Variants in MALRD1 observed in about 807,000 individuals in gnomAD.
MALRD1 encodes MAM and LDL-receptor class A domain-containing protein 1.
A neutral mutation model predicts 242.1 loss-of-function variants in MALRD1; 247 were observed. The ratio of observed to expected loss-of-function variants is 1.02; its 90% CI spans 0.92 to 1.13. The LOEUF (loss-of-function observed/expected upper bound fraction) is 1.13, where lower values mean the gene tolerates loss of function less well. MALRD1 is among the 50% of genes most tolerant of loss of function. MALRD1 has a pLI of 0.00. For missense variants in MALRD1, 2,989 were observed against 2,533.1 expected (o/e 1.18, Z -3.86); for synonymous variants, 995 against 866.6 (o/e 1.15, Z -2.60).
At chr10:19,655,536 A>G (rs1173006605) in intron 36 of MALRD1, among the ~76,000 whole-genome samples, 2 of 27,378 alleles carry the variant, frequency 7.3e-5, no homozygotes, top group African/African-American at 2.0e-4. Context: ...GAGTGTATAT[A>G]TATATATATA....
chr10:19,303,263 G>C (rs1842028553), intron 21 of MALRD1, among the ~76,000 whole-genome samples: 1 of 151,466 alleles, frequency 6.6e-6, no homozygotes. Context: ...TGAGAAAATA[G>C]ACATTAGGTC....
chr10:19,049,443 AAG>A (rs1834420987), intron 1 of MALRD1, among the ~76,000 whole-genome samples: 1 of 152,232 alleles, frequency 6.6e-6, no homozygotes. Flanking sequence ...CAAAATTTAA[AAG>A]AACTCATTAA....
intron 18 of MALRD1, among the ~76,000 whole-genome samples, chr10:19,228,129 A>G (rs1837879270): frequency 6.6e-6 from 1 of 151,676 alleles, no homozygotes. Context: ...ACATATCCGT[A>G]CCAAGCCTCA....
chr10:19,482,043 G>A (rs576616667), intron 29 of MALRD1, among the ~76,000 whole-genome samples: 2 of 151,670 alleles, frequency 1.3e-5, no homozygotes, highest in African/African-American at 4.8e-5. Context: ...TAAATTGTTG[G>A]CATCACTAGA....
Position 19,362,773 on chromosome 10 carries a change from G to C in MALRD1, c.4441+10476G>C, listed in dbSNP as rs543083383. On this transcript the variant is annotated intron_variant, in intron 26 of 39. Coordinates refer to ENST00000454679, the MANE Select transcript of MALRD1 (RefSeq NM_001142308.3). ...AGAATCTTTTTGGCTGTAATGTAGA[G>C]AGATTTCAGAATAACCAGGTAAGAG... Among the ~76,000 whole-genome samples the C allele has an allele frequency of 2.6e-5, 4 of 152,242 alleles. No homozygotes were observed. In the East Asian group the frequency reaches 7.7e-4, roughly 29 times the overall value.
At chr10:19,701,442 T>G (rs928478303) in intron 38 of MALRD1, among the ~76,000 whole-genome samples, 1 of 152,190 alleles carries the variant, frequency 6.6e-6, no homozygotes, top group African/African-American at 2.4e-5. Flanking sequence ...TGTACCAGCC[T>G]GCTGTGCCTT....
intron 21 of MALRD1, among the ~76,000 whole-genome samples, chr10:19,285,091 T>A (rs12778348): frequency 2.4e-3 from 312 of 129,694 alleles, no homozygotes; most frequent in Middle Eastern, 0.015. Context: ...CCACTTTTTG[T>A]TGGGGTTGTT....
chr10:19,365,446 T>G (rs1845065468), intron 26 of MALRD1, among the ~76,000 whole-genome samples: 1 of 152,098 alleles, frequency 6.6e-6, no homozygotes, highest in African/African-American at 2.4e-5. Context: ...TGTCTCTTGG[T>G]TTCTAATTTT....
intron 21 of MALRD1, among the ~76,000 whole-genome samples, chr10:19,317,697 T>C (rs544630233): frequency 2.0e-5 from 3 of 152,094 alleles, no homozygotes; most frequent in East Asian, 1.9e-4. Flanking sequence ...TTCCTACTTA[T>C]TGAATTAGAG....
chr10:19,691,577 G>A (rs894818495), intron 36 of MALRD1, among the ~76,000 whole-genome samples: 6 of 152,038 alleles, frequency 3.9e-5, no homozygotes, highest in Non-Finnish European at 7.4e-5. Context: ...TGAACTTTCA[G>A]ATACTACCAG....
At chr10:19,519,635 G>C (rs974344225) in intron 31 of MALRD1, among the ~76,000 whole-genome samples, 3 of 151,852 alleles carry the variant, frequency 2.0e-5, no homozygotes, top group Admixed American at 2.0e-4. Context: ...AGCCAGGTGT[G>C]TGCCTGTAGT....
At chr10:19,530,382 T>TATAA (rs71200983) in intron 31 of MALRD1, among the ~76,000 whole-genome samples, 3,488 of 15,928 alleles carry the variant, frequency 0.22, 469 homozygotes, top group African/African-American at 0.27. Flanking sequence ...TATATAAATA[T>TATAA]TATATATTTA....
chr10:19,491,425 T>C, intron 29 of MALRD1, 92 bp from the exon 30 acceptor site: 1 of 1,417,832 alleles, frequency 7.1e-7, no homozygotes, highest in Admixed American at 2.0e-5. Flanking sequence ...ACTTGCTTAC[T>C]AGTGTGAAAT....
At chr10:19,099,224 G>C (rs1165703734) in intron 4 of MALRD1, among the ~76,000 whole-genome samples, 1 of 152,116 alleles carries the variant, frequency 6.6e-6, no homozygotes, top group Non-Finnish European at 1.5e-5. Flanking sequence ...GATTTTTCAG[G>C]CTGCTATTTG....
intron 36 of MALRD1, among the ~76,000 whole-genome samples, chr10:19,669,459 C>T (rs1003633557): frequency 1.3e-5 from 2 of 152,112 alleles, no homozygotes; most frequent in African/African-American, 4.8e-5. Context: ...AAGGGGAAGA[C>T]CCTGAGAGCA....
chr10:19,714,404 T>G (rs1336898709), intron 38 of MALRD1, among the ~76,000 whole-genome samples: 1 of 152,114 alleles, frequency 6.6e-6, no homozygotes, highest in African/African-American at 2.4e-5. Flanking sequence ...TGCTGATGTC[T>G]GTTTGGGTGT....
At chr10:19,361,881 G>T (rs1304077905) in intron 26 of MALRD1, among the ~76,000 whole-genome samples, 1 of 152,028 alleles carries the variant, frequency 6.6e-6, no homozygotes, top group Non-Finnish European at 1.5e-5. Context: ...CGGTTTTATT[G>T]TTTGAATCAC....
Position 19,491,658 on chromosome 10 carries a change from A to G in MALRD1, c.5158+13A>G, listed in dbSNP as rs756361071. On this transcript the variant is annotated intron_variant, in intron 30 of 39. Transcript: ENST00000454679. ...GAAGCTCACTGTGGTAAGTTTATCT[A>G]TCTGCTGTATGGCAGCCAGTTCAGC... 8.1e-5 allele frequency: 126 copies of G among 1,547,180 alleles called. 1 individual carries two copies. The highest frequency in any genetic ancestry group is 6.7e-4 in the Middle Eastern group (4 of 5,976).
chr10:19,525,310 T>C (rs1369011501), intron 31 of MALRD1, among the ~76,000 whole-genome samples: 1 of 152,044 alleles, frequency 6.6e-6, no homozygotes, highest in Non-Finnish European at 1.5e-5. Flanking sequence ...AGTTTTAAAA[T>C]CTCGAGAGTG....
Sources: allele counts gnomAD v4.1 joint callset (sites outside exome capture counted in the v4.1 genomes callset), GRCh38; gene constraint gnomAD v4.1.1; transcripts MANE v1.5; gene names NCBI Gene and HGNC (gene_info 2026-07-23, HGNC 2026-07-21).